The following CMSS1 variants were observed in gnomAD, a reference collection of about 807,000 sequenced individuals.
The protein encoded by CMSS1 is cms1 ribosomal small subunit homolog.
A neutral mutation model predicts 43.5 loss-of-function variants in CMSS1; 33 were observed. The observed-to-expected ratio is 0.76, with a 90% confidence interval of 0.57 to 1.01. The LOEUF (loss-of-function observed/expected upper bound fraction) is 1.01. Ranked by LOEUF, CMSS1 falls within the 50% of genes least tolerant of loss-of-function variation. The probability of loss-of-function intolerance (pLI) is 0.00; values close to 1 mark genes in which losing one functional copy is unlikely to be tolerated. For missense variants in CMSS1, 313 were observed against 326.4 expected (o/e 0.96, Z 0.32); for synonymous variants, 115 against 117.2 (o/e 0.98, Z 0.12).
At chr3:99,897,085 A>C (rs1706279251) in intron 1 of CMSS1, among the ~76,000 whole-genome samples, 1 of 152,158 alleles carries the variant, frequency 6.6e-6, no homozygotes, top group African/African-American at 2.4e-5. Context: ...TTGGCCAAGC[A>C]TGGTGGCTCA....
chr3:100,153,822 A>G (rs1359197264), intron 2 of CMSS1, among the ~76,000 whole-genome samples: 1 of 151,526 alleles, frequency 6.6e-6, no homozygotes, highest in Non-Finnish European at 1.5e-5. Flanking sequence ...CTATTGATGG[A>G]CACCTGAGGC....
At chr3:99,846,655 C>T (rs895087022) in intron 1 of CMSS1, among the ~76,000 whole-genome samples, 26 of 152,182 alleles carry the variant, frequency 1.7e-4, no homozygotes, top group African/African-American at 5.3e-4. Context: ...AAGCCCATAG[C>T]GTTGGTGTTG....
chr3:100,050,834 C>G (rs1163732128), intron 1 of CMSS1, among the ~76,000 whole-genome samples: 1 of 152,094 alleles, frequency 6.6e-6, no homozygotes, highest in East Asian at 1.9e-4. Context: ...CCAGCCTCCC[C>G]CAGGTTTTGT....
intron 1 of CMSS1, among the ~76,000 whole-genome samples, chr3:99,835,011 ATCATCTTTG>A (rs1445588381): frequency 6.6e-6 from 1 of 152,222 alleles, no homozygotes; most frequent in Non-Finnish European, 1.5e-5. Context: ...CATCATCAGC[ATCATCTTTG>A]TCTTTTTCCT....
chr3:99,833,383 C>T (rs958269026), intron 1 of CMSS1: 3 of 762,352 alleles, frequency 3.9e-6, no homozygotes, highest in Admixed American at 2.7e-5. Context: ...TCCCTGGTTA[C>T]AGTGAGTTAT....
At chr3:100,153,712 G>T (rs992084482) in intron 2 of CMSS1, among the ~76,000 whole-genome samples, 2 of 152,090 alleles carry the variant, frequency 1.3e-5, no homozygotes, top group African/African-American at 2.4e-5. Context: ...GGCATTGGGG[G>T]TTAGGGTTTT....
At chr3:100,024,329 T>C (rs773267947) in intron 1 of CMSS1, among the ~76,000 whole-genome samples, 1 of 152,190 alleles carries the variant, frequency 6.6e-6, no homozygotes, top group Non-Finnish European at 1.5e-5. Context: ...ACCTTAGTGA[T>C]TGCATTTTCT....
intron 1 of CMSS1, among the ~76,000 whole-genome samples, chr3:99,876,887 T>A (rs1157198725): frequency 2.6e-5 from 4 of 152,168 alleles, no homozygotes; most frequent in African/African-American, 9.7e-5. Flanking sequence ...TTAAAGAAAT[T>A]AAATGTTTTG....
chr3:99,825,079 T>C (rs1311409496), intron 1 of CMSS1, among the ~76,000 whole-genome samples: 1 of 152,234 alleles, frequency 6.6e-6, no homozygotes, highest in East Asian at 1.9e-4. Flanking sequence ...GTATTAGTTT[T>C]ACATATAGAC....
chr3:100,160,064 T>C, intron 2 of CMSS1: 2 of 389,372 alleles, frequency 5.1e-6, no homozygotes, highest in East Asian at 7.1e-5. Flanking sequence ...AGTCAAAGAC[T>C]GTCTTACCAC....
intron 1 of CMSS1, among the ~76,000 whole-genome samples, chr3:99,841,509 G>A (rs761684846): frequency 1.3e-5 from 2 of 152,162 alleles, no homozygotes; most frequent in African/African-American, 2.4e-5. Flanking sequence ...ATATTCATTA[G>A]TAACCTCACC....
intron 1 of CMSS1, among the ~76,000 whole-genome samples, chr3:99,955,671 A>C (rs1156264547): frequency 6.6e-6 from 1 of 152,210 alleles, no homozygotes; most frequent in Non-Finnish European, 1.5e-5. Context: ...GATGATAATG[A>C]AATAACTTCC....
chr3:99,837,632 T>G (rs1031175773), intron 1 of CMSS1, among the ~76,000 whole-genome samples: 10 of 152,228 alleles, frequency 6.6e-5, no homozygotes, highest in Non-Finnish European at 2.9e-5. Flanking sequence ...TTTACAGTTT[T>G]GTACTCCTGA....
intron 8 of CMSS1, chr3:100,176,125 T>G: frequency 8.6e-6 from 4 of 464,448 alleles, no homozygotes; most frequent in East Asian, 3.6e-5. Flanking sequence ...TCAGGAGGAG[T>G]GATGAGATGA....
chr3:99,830,569 T>A (rs1490590619), intron 1 of CMSS1: 4 of 456,576 alleles, frequency 8.8e-6, no homozygotes, highest in Non-Finnish European at 1.8e-5. Flanking sequence ...GGTTTAGGGA[T>A]CCGTGCTGGG....
At chr3:100,077,152 T>C (rs1021066277) in intron 1 of CMSS1, among the ~76,000 whole-genome samples, 1 of 152,208 alleles carries the variant, frequency 6.6e-6, no homozygotes, top group African/African-American at 2.4e-5. Flanking sequence ...TTGGATAGCT[T>C]GTACTTGACA....
chr3:100,126,632 A>C (rs532625986), intron 1 of CMSS1, among the ~76,000 whole-genome samples: 7 of 152,212 alleles, frequency 4.6e-5, no homozygotes, highest in Non-Finnish European at 4.4e-5. Context: ...GTAACCTTGT[A>C]AGCTGCCTTA....
chr3:99,833,016 A>G (rs906633106), intron 1 of CMSS1: 2 of 539,046 alleles, frequency 3.7e-6, no homozygotes, highest in Non-Finnish European at 6.5e-6. Flanking sequence ...GCATATTGCA[A>G]GAGAAATACA....
At chr3:99,818,861 C>T (rs1942376570) in intron 1 of CMSS1, among the ~76,000 whole-genome samples, 1 of 152,172 alleles carries the variant, frequency 6.6e-6, no homozygotes, top group African/African-American at 2.4e-5. Context: ...AGTAGAGTAG[C>T]GTTAAGTGAC....
Sources: gnomAD v4.1 joint callset for allele counts (sites outside exome capture counted in the v4.1 genomes callset) on GRCh38, gnomAD v4.1.1 for gene constraint, MANE v1.5 for transcripts, NCBI Gene and HGNC (gene_info 2026-07-23, HGNC 2026-07-21) for gene names.